Variants in SHANK2 observed in about 807,000 individuals in gnomAD.
The protein encoded by SHANK2 is SH3 and multiple ankyrin repeat domains protein 2.
SHANK2 carries 43 observed loss-of-function variants against 133.7 expected under a neutral mutation model. That is an observed-to-expected ratio of 0.32 (90% CI 0.25 to 0.41). The LOEUF is 0.41. Among genes scored for constraint, SHANK2 ranks in the 10% least tolerant of loss-of-function variants. The pLI, the probability that SHANK2 is intolerant of heterozygous loss-of-function variation, is 1.00. For missense variants in SHANK2, 1,994 were observed against 2,235.8 expected (o/e 0.89, Z 2.18); for synonymous variants, 1,017 against 952.8 (o/e 1.07, Z -1.24).
At chr11:70,759,919 CTG>C (rs1405430220) in intron 14 of SHANK2, among the ~76,000 whole-genome samples, 1 of 152,216 alleles carries the variant, frequency 6.6e-6, no homozygotes, top group African/African-American at 2.4e-5. Flanking sequence ...TGGCCAAAGA[CTG>C]AGGCATGGGA....
At chr11:70,583,769 G>C (rs2060213622) in intron 17 of SHANK2, among the ~76,000 whole-genome samples, 1 of 152,280 alleles carries the variant, frequency 6.6e-6, no homozygotes, top group South Asian at 2.1e-4. Flanking sequence ...TCCACCCAGT[G>C]GCCAGAACGA....
At chr11:71,136,288 G>C (rs1221480730) in intron 3 of SHANK2, among the ~76,000 whole-genome samples, 1 of 152,080 alleles carries the variant, frequency 6.6e-6, no homozygotes, top group Non-Finnish European at 1.5e-5. Context: ...TGGTGCATAT[G>C]TGCAACGGAA....
intron 9 of SHANK2, among the ~76,000 whole-genome samples, chr11:71,057,088 A>ACAC (rs1950930211): frequency 1.3e-5 from 2 of 152,180 alleles, no homozygotes; most frequent in Non-Finnish European, 2.9e-5. Context: ...TAATCCCAAC[A>ACAC]CTTTGGGAGG....
At chr11:70,759,919 C>CT (rs1470375224) in intron 14 of SHANK2, among the ~76,000 whole-genome samples, 16 of 152,216 alleles carry the variant, frequency 1.1e-4, no homozygotes, top group African/African-American at 3.9e-4. Context: ...TGGCCAAAGA[C>CT]TGAGGCATGG....
intron 17 of SHANK2, among the ~76,000 whole-genome samples, chr11:70,601,271 G>A (rs1225536456): frequency 2.0e-5 from 3 of 151,386 alleles, no homozygotes; most frequent in Non-Finnish European, 4.4e-5. Flanking sequence ...CCAGGCTGGA[G>A]TGTACTGGCA....
chr11:70,656,284 A>G (rs2061404497), intron 17 of SHANK2, among the ~76,000 whole-genome samples: 1 of 152,052 alleles, frequency 6.6e-6, no homozygotes, highest in African/African-American at 2.4e-5. Context: ...TCATTATGAA[A>G]ACCAGTTTGG....
chr11:70,702,572 C>T (rs1311903660), intron 14 of SHANK2, among the ~76,000 whole-genome samples: 1 of 152,150 alleles, frequency 6.6e-6, no homozygotes, highest in African/African-American at 2.4e-5. Context: ...ACCACTATGA[C>T]CGCCACAATC....
At chr11:70,491,412 G>A (rs944150742) in intron 22 of SHANK2, among the ~76,000 whole-genome samples, 13 of 152,350 alleles carry the variant, frequency 8.5e-5, no homozygotes, top group Non-Finnish European at 1.3e-4. Flanking sequence ...GGCAAGGACC[G>A]GCAGGCAGGG....
chr11:71,212,924 C>T (rs576318295), intron 2 of SHANK2, among the ~76,000 whole-genome samples: 3 of 143,826 alleles, frequency 2.1e-5, no homozygotes, highest in East Asian at 2.1e-4. Context: ...GGACCCCAGG[C>T]GGAGGCACAG....
At chr11:70,646,885 G>A (rs1440622867) in intron 17 of SHANK2, among the ~76,000 whole-genome samples, 1 of 150,942 alleles carries the variant, frequency 6.6e-6, no homozygotes, top group Non-Finnish European at 1.5e-5. Context: ...TTTTGAGACA[G>A]AGTATTGCTC....
At chr11:71,085,511 AT>A (rs1217524283) in intron 8 of SHANK2, among the ~76,000 whole-genome samples, 1 of 116,880 alleles carries the variant, frequency 8.6e-6, no homozygotes, top group South Asian at 2.3e-4. Flanking sequence ...TATATGTTAT[AT>A]TATATATGCT....
intron 11 of SHANK2, among the ~76,000 whole-genome samples, chr11:70,841,108 CA>C (rs1322969102): frequency 1.7e-4 from 26 of 151,592 alleles, no homozygotes; most frequent in African/African-American, 6.3e-4. Flanking sequence ...ACCAAAAATA[CA>C]AAAAAAACAA....
chr11:70,767,346 G>T (rs1410144005), intron 14 of SHANK2, among the ~76,000 whole-genome samples: 1 of 152,118 alleles, frequency 6.6e-6, no homozygotes, highest in Non-Finnish European at 1.5e-5. Flanking sequence ...TCCATTCCCA[G>T]GTAGGCACAC....
At chr11:70,880,582 G>C (rs1050052406) in intron 11 of SHANK2, among the ~76,000 whole-genome samples, 1 of 152,200 alleles carries the variant, frequency 6.6e-6, no homozygotes, top group South Asian at 2.1e-4. Flanking sequence ...GTGAGGCCAG[G>C]GGCATGTGCC....
intron 15 of SHANK2, among the ~76,000 whole-genome samples, chr11:70,673,201 G>A (rs1944847361): frequency 1.3e-5 from 2 of 152,140 alleles, no homozygotes; most frequent in Admixed American, 1.3e-4. Context: ...GCAGCCTGCA[G>A]CGACAGGTTT....
chr11:70,808,394 GTTTCACCAT>G (rs1555052473), intron 12 of SHANK2, among the ~76,000 whole-genome samples: 2 of 151,638 alleles, frequency 1.3e-5, no homozygotes, highest in East Asian at 3.9e-4. Context: ...TAGAGATGCG[GTTTCACCAT>G]GTTCACCAGG....
chr11:70,600,402 G>A (rs1442628403), intron 17 of SHANK2, among the ~76,000 whole-genome samples: 1 of 118,748 alleles, frequency 8.4e-6, no homozygotes, highest in African/African-American at 3.3e-5. Context: ...CTGGGTGACA[G>A]AGCAGGACTC....
chr11:70,711,016 G>A (rs1174198261), intron 14 of SHANK2, among the ~76,000 whole-genome samples: 2 of 152,234 alleles, frequency 1.3e-5, no homozygotes, highest in Admixed American at 6.5e-5. Context: ...GAGAGGGAGG[G>A]AGAGGCATGT....
intron 6 of SHANK2, among the ~76,000 whole-genome samples, chr11:71,107,857 G>A (rs1176984373): frequency 6.6e-6 from 1 of 152,202 alleles, no homozygotes; most frequent in Non-Finnish European, 1.5e-5. Context: ...CAGGACAGGG[G>A]CCAATTACAG....
Sources: gnomAD v4.1 joint callset for allele counts (sites outside exome capture counted in the v4.1 genomes callset) on GRCh38, gnomAD v4.1.1 for gene constraint, MANE v1.5 for transcripts, NCBI Gene and HGNC (gene_info 2026-07-23, HGNC 2026-07-21) for gene names.